CPAMD8: variants seen among roughly 807,000 people sequenced by gnomAD.
The protein encoded by CPAMD8 is C3 and PZP like alpha-2-macroglobulin domain containing 8.
A neutral mutation model predicts 224.7 loss-of-function variants in CPAMD8; 146 were observed. That is an observed-to-expected ratio of 0.65 (90% CI 0.57 to 0.75). The LOEUF is 0.75. Among genes scored for constraint, CPAMD8 ranks in the 30% least tolerant of loss-of-function variants. CPAMD8 has a pLI of 0.00. For missense variants in CPAMD8, 2,301 were observed against 2,537.5 expected (o/e 0.91, Z 2.00); for synonymous variants, 966 against 1,044.6 (o/e 0.92, Z 1.45).
At chr19:16,972,477 G>C (rs2055098103) in intron 17 of CPAMD8, among the ~76,000 whole-genome samples, 1 of 152,058 alleles carries the variant, frequency 6.6e-6, no homozygotes, top group Admixed American at 6.6e-5. Flanking sequence ...CTGTCGCCCA[G>C]GCTGGAGTGC....
At chr19:16,911,089 T>C (rs111829320) in intron 29 of CPAMD8, among the ~76,000 whole-genome samples, 3 of 152,272 alleles carry the variant, frequency 2.0e-5, no homozygotes, top group South Asian at 2.1e-4. Flanking sequence ...TTTGCCTCCT[T>C]TGGGGAACGA....
In CPAMD8 at chr19:16,896,437, CGG is replaced by C; in HGVS notation, c.5275+17_5275+18del. On this transcript the variant is annotated intron_variant, in intron 40 of 41. Coordinates refer to ENST00000443236, the MANE Select transcript of CPAMD8 (RefSeq NM_015692.5). Reference sequence around the variant, plus strand: ...CAGCGATGGTGTCCCCGAGGCTAGGCGGGGGGTAGGGTCCTCACCGAGGGCGC... The same window carrying C: ...CAGCGATGGTGTCCCCGAGGCTAGGCGGGGTAGGGTCCTCACCGAGGGCGC... 6.8e-7 allele frequency: 1 copy of C among 1,465,454 alleles called. No homozygotes were observed. Among genetic ancestry groups the C allele is most frequent in the Non-Finnish European group, 9.0e-7 (1 of 1,110,480 alleles). The allele number at this position is 1,465,454 out of a possible 1,614,324, so 90.8% of individuals were successfully genotyped here.
intron 13 of CPAMD8, among the ~76,000 whole-genome samples, chr19:16,988,153 T>C (rs571942380): frequency 1.3e-5 from 2 of 152,178 alleles, no homozygotes; most frequent in South Asian, 2.1e-4. Context: ...AGTGTCTGTG[T>C]GGAGAAACTC....
chr19:17,026,447 G>A, intron 1 of CPAMD8, 104 bp downstream of exon 1: 1 of 1,230,272 alleles, frequency 8.1e-7, no homozygotes, highest in Middle Eastern at 2.0e-4. Flanking sequence ...GCCCAGCGCG[G>A]AGGCTGTGTG....
At position 16,980,692 on chromosome 19, in the gene CPAMD8, G is replaced by A. The variant is rs1463532582; in HGVS notation, c.1396-6C>T. 4.6e-6 allele frequency: 7 copies of A among 1,522,526 alleles called. No homozygotes were observed. Among genetic ancestry groups the A allele is most frequent in the Non-Finnish European group, 6.2e-6 (7 of 1,135,430 alleles). The allele number at this position is 1,522,526 out of a possible 1,614,324, so 94.3% of individuals were successfully genotyped here. Reference sequence around the variant, plus strand: ...AAATAGGCTTCTTCCCCAACCTATGGAAGACACGCAGCATGGGGGGCTCTG... The same window carrying A: ...AAATAGGCTTCTTCCCCAACCTATGAAAGACACGCAGCATGGGGGGCTCTG... On this transcript the variant is annotated splice_polypyrimidine_tract_variant and splice_region_variant and intron_variant, in intron 13 of 41. Transcript: ENST00000443236.
intron 34 of CPAMD8, among the ~76,000 whole-genome samples, chr19:16,903,306 C>G (rs1006560775): frequency 6.6e-6 from 1 of 151,970 alleles, no homozygotes; most frequent in Admixed American, 6.6e-5. Context: ...TTAGGCAAAT[C>G]TGCTTGAGTC....
intron 30 of CPAMD8, among the ~76,000 whole-genome samples, chr19:16,905,664 C>G (rs1292696570): frequency 6.6e-6 from 1 of 151,672 alleles, no homozygotes; most frequent in Non-Finnish European, 1.5e-5. Flanking sequence ...CCCACCACCA[C>G]CACCTCCCAC....
intron 7 of CPAMD8, among the ~76,000 whole-genome samples, chr19:17,008,160 C>A (rs1364533716): frequency 6.6e-6 from 1 of 152,198 alleles, no homozygotes; most frequent in Non-Finnish European, 1.5e-5. Context: ...CAGAGAGAGA[C>A]TCTGTCTCAA....
At chr19:16,983,771 T>C (rs57392388) in intron 13 of CPAMD8, among the ~76,000 whole-genome samples, 1,768 of 152,250 alleles carry the variant, frequency 0.012, 25 homozygotes, top group African/African-American at 0.041. Context: ...TGATTCTTAG[T>C]TATGACAAAT....
At chr19:16,948,909 AAG>A (rs2054205664) in intron 20 of CPAMD8, among the ~76,000 whole-genome samples, 1 of 73,778 alleles carries the variant, frequency 1.4e-5, no homozygotes, top group East Asian at 5.1e-4. Flanking sequence ...AAGGGAAGGG[AAG>A]GGAAAGGAAG....
At chr19:16,909,666 C>A (rs935768106) in intron 29 of CPAMD8, among the ~76,000 whole-genome samples, 19 of 151,770 alleles carry the variant, frequency 1.3e-4, no homozygotes, top group African/African-American at 4.6e-4. Context: ...AATCCTTGAA[C>A]CCGGGAGGCA....
At chr19:16,980,342 C>A (rs1055106780) in intron 14 of CPAMD8, among the ~76,000 whole-genome samples, 155 bp downstream of exon 14, 2 of 152,118 alleles carry the variant, frequency 1.3e-5, no homozygotes, top group African/African-American at 4.8e-5. Context: ...TCTTCCTGGA[C>A]CCAGTCTGGT....
intron 19 of CPAMD8, among the ~76,000 whole-genome samples, chr19:16,955,296 GAAA>G (rs57169828): frequency 1.7e-4 from 22 of 129,818 alleles, no homozygotes; most frequent in African/African-American, 2.6e-4. Flanking sequence ...TCCATCTCAA[GAAA>G]AAAAAAAAAA....
chr19:16,945,613 T>G lies in CPAMD8; in HGVS notation c.2729A>C (p.Glu910Ala). 1 of 1,614,204 alleles carries G rather than the reference T, an allele frequency of 6.2e-7. No individual in the cohort carries two copies. Among genetic ancestry groups the G allele is most frequent in the East Asian group, 2.2e-5 (1 of 44,880 alleles). The change falls in exon 22 of 42, where the codon GAG (glutamate) becomes GCG (alanine). Residue 910 changes from glutamate to alanine, a missense_variant. Coordinates refer to ENST00000443236, the MANE Select transcript of CPAMD8 (RefSeq NM_015692.5). The stretch of plus-strand genomic sequence containing the variant: ...GGGGACCCTCCTGTCGGCGTGATTC[T>G]CCTCAGGGTGTTTGCTGGACCTCCC... ...RDGRSSKHPEENHADRRVPIG... is the reference protein window; with the variant it reads ...RDGRSSKHPEANHADRRVPIG...
intron 16 of CPAMD8, 83 bp downstream of exon 16, chr19:16,975,919 T>C: frequency 7.5e-7 from 1 of 1,330,514 alleles, no homozygotes; most frequent in African/African-American, 1.5e-5. Flanking sequence ...CTTCATTTAT[T>C]GGAATGAGAG....
At chr19:16,966,412 C>T (rs574927466) in intron 18 of CPAMD8, among the ~76,000 whole-genome samples, 1 of 152,214 alleles carries the variant, frequency 6.6e-6, no homozygotes, top group East Asian at 1.9e-4. Context: ...TAGGCAATAC[C>T]ATTCAAGACA....
chr19:17,022,007 G>A (rs765200437), intron 2 of CPAMD8, 23 bp downstream of exon 2: 2 of 1,574,608 alleles, frequency 1.3e-6, no homozygotes, highest in Non-Finnish European at 1.7e-6. Flanking sequence ...GGGAAGTCCT[G>A]GTCTGGCACC....
intron 18 of CPAMD8, 80 bp from the exon 19 acceptor site, chr19:16,957,995 T>C: frequency 7.7e-7 from 1 of 1,298,552 alleles, no homozygotes; most frequent in Non-Finnish European, 1.1e-6. Context: ...TTGCATTCTA[T>C]TTGATCAGAT....
In CPAMD8 at chr19:16,903,714, C is replaced by T. The variant is rs1490595267; in HGVS notation, c.4395G>A (p.Leu1465=). Residue 1465 remains leucine, a synonymous_variant, in exon 33 of 42, where the codon CTG becomes CTA. Transcript: ENST00000443236. Reference sequence around the variant, plus strand: ...CAGGAACACGCACCGCTGCTGTCTGCAGAACCTTCTGGTTGGTCCTGTGCA... The same window carrying T: ...CAGGAACACGCACCGCTGCTGTCTGTAGAACCTTCTGGTTGGTCCTGTGCA... ...FELHRTNQKV[L]QTAAIPSLPT... 6.2e-7 allele frequency: 1 copy of T among 1,614,204 alleles called. No homozygotes were observed. The highest frequency in any genetic ancestry group is 1.3e-5 in the African/African-American group (1 of 75,064).
Sources: gnomAD v4.1 joint callset for allele counts (sites outside exome capture counted in the v4.1 genomes callset) on GRCh38, gnomAD v4.1.1 for gene constraint, MANE v1.5 for transcripts, NCBI Gene and HGNC (gene_info 2026-07-23, HGNC 2026-07-21) for gene names.